The following STRIP2 variants were observed in gnomAD, a reference collection of about 807,000 sequenced individuals.
STRIP2 encodes striatin-interacting protein 2.
STRIP2 carries 84 observed loss-of-function variants against 107.1 expected under a neutral mutation model. The ratio of observed to expected loss-of-function variants is 0.78; its 90% CI spans 0.66 to 0.94. The LOEUF (loss-of-function observed/expected upper bound fraction) is 0.94. Ranked by LOEUF, STRIP2 falls within the 40% of genes least tolerant of loss-of-function variation. The pLI is 0.00. For synonymous variants in STRIP2, 394 were observed against 400.4 expected (o/e 0.98, Z 0.19); for missense variants, 888 against 1,034.2 (o/e 0.86, Z 1.94).
chr7:129,436,493 T>G (rs1289167935), intron 1 of STRIP2, among the ~76,000 whole-genome samples: 1 of 152,198 alleles, frequency 6.6e-6, no homozygotes, highest in Non-Finnish European at 1.5e-5. Flanking sequence ...AGCTGCACTC[T>G]TCATGCCTGG....
At chr7:129,460,545 T>C in intron 13 of STRIP2, 173 bp downstream of exon 13, 1 of 630,332 alleles carries the variant, frequency 1.6e-6, no homozygotes, top group Non-Finnish European at 2.8e-6. Flanking sequence ...AGATAAAAAA[T>C]AAAAAGTTAA....
chr7:129,447,429 A>G (rs781225960), intron 3 of STRIP2, among the ~76,000 whole-genome samples: 2 of 152,214 alleles, frequency 1.3e-5, no homozygotes, highest in Non-Finnish European at 2.9e-5. Flanking sequence ...AATTTTAATC[A>G]GATTTATTTC....
intron 14 of STRIP2, among the ~76,000 whole-genome samples, chr7:129,463,502 T>C (rs1034429079): frequency 7.3e-5 from 11 of 151,442 alleles, no homozygotes; most frequent in Admixed American, 7.2e-4. Flanking sequence ...GAACAGTCTT[T>C]TTTTTTTTTT....
chr7:129,473,235 A>G (rs1199443808), intron 18 of STRIP2, among the ~76,000 whole-genome samples: 1 of 152,236 alleles, frequency 6.6e-6, no homozygotes, highest in African/African-American at 2.4e-5. Context: ...ATTTTGCTGC[A>G]ATTATATATA....
At chr7:129,443,137 C>G (rs1438455323) in intron 2 of STRIP2, among the ~76,000 whole-genome samples, 2 of 151,482 alleles carry the variant, frequency 1.3e-5, no homozygotes, top group African/African-American at 4.9e-5. Flanking sequence ...AACTCCTAAG[C>G]TCAAACGATC....
At chr7:129,435,118 C>A (rs945341162) in intron 1 of STRIP2, among the ~76,000 whole-genome samples, 5 of 152,184 alleles carry the variant, frequency 3.3e-5, no homozygotes, top group Non-Finnish European at 7.3e-5. Flanking sequence ...CCCTTCCCCC[C>A]GTAAGTCTTA....
rs1487439836 is a variant in STRIP2 at position 129,461,698 on chromosome 7, T to C, written c.1477-1268T>C. On this transcript the variant is annotated intron_variant, in intron 13 of 20. Transcript: ENST00000249344. The surrounding 1 kb of genome is among the most constrained non-coding windows in gnomAD (Gnocchi z 4.0). ...ATAAGAACAACTCTAAGTGAAGTAG[T>C]GGGACTGAAAGCCTAATTGGAGTGT... Among the ~76,000 whole-genome samples the C allele has an allele frequency of 1.3e-5, 2 of 152,134 alleles. No homozygotes were observed. The highest frequency in any genetic ancestry group is 1.3e-4 in the Admixed American group (2 of 15,274).
At chr7:129,464,273 A>T in intron 15 of STRIP2, 132 bp downstream of exon 15, 1 of 730,248 alleles carries the variant, frequency 1.4e-6, no homozygotes, top group Non-Finnish European at 2.3e-6. Flanking sequence ...GCCCACCAGT[A>T]CCCCCTTTCC....
intron 18 of STRIP2, among the ~76,000 whole-genome samples, chr7:129,478,286 G>C (rs1377150440): frequency 6.6e-6 from 1 of 152,190 alleles, no homozygotes; most frequent in African/African-American, 2.4e-5. Flanking sequence ...GAGGCAGGTG[G>C]ATCACCTGAG....
At chr7:129,460,833 C>G (rs758590056) in intron 13 of STRIP2, among the ~76,000 whole-genome samples, 1 of 152,142 alleles carries the variant, frequency 6.6e-6, no homozygotes, top group Non-Finnish European at 1.5e-5. Context: ...AGCACAGGGC[C>G]GAGGGCTGGG....
rs1445213001 is a variant in STRIP2 at position 129,475,939 on chromosome 7, A to T, written c.1945-4846A>T. On this transcript the variant is annotated intron_variant, in intron 18 of 20. Transcript: ENST00000249344. The stretch of plus-strand genomic sequence containing the variant: ...AAGAATTTCTCCTAGTACAGAACGA[A>T]ATGGAGTCTCCCATGCCCGCCTCTT... Among the ~76,000 whole-genome samples the T allele has an allele frequency of 2.0e-5, 3 of 152,060 alleles. No homozygotes were observed. In the East Asian group the frequency reaches 5.8e-4, roughly 30 times the overall value.
chr7:129,450,558 A>G (rs552101385), intron 3 of STRIP2, among the ~76,000 whole-genome samples: 3 of 152,348 alleles, frequency 2.0e-5, no homozygotes, highest in South Asian at 2.1e-4. Flanking sequence ...CAGTTCAACA[A>G]ATGTGTGGTG....
At position 129,455,559 on chromosome 7, in the gene STRIP2, A is replaced by G. The variant is rs145257569; in HGVS notation, c.834+188A>G. Among the ~76,000 whole-genome samples the G allele has an allele frequency of 5.9e-3, 906 of 152,314 alleles. 8 individuals carry two copies. The highest frequency in any genetic ancestry group is 0.021 in the African/African-American group (862 of 41,562). On this transcript the variant is annotated intron_variant, in intron 8 of 20. Transcript: ENST00000249344. ...GATGTTCTATGTTAGAATGGGTTTC[A>G]TGTTTCTATTGGATGGATGGGAGAT...
chr7:129,474,065 C>T (rs1798857985), intron 18 of STRIP2, among the ~76,000 whole-genome samples: 1 of 152,118 alleles, frequency 6.6e-6, no homozygotes, highest in Non-Finnish European at 1.5e-5. Context: ...TATTTAGTTT[C>T]AAAAAGGATT....
At chr7:129,455,112 C>A in intron 7 of STRIP2, 132 bp from the exon 8 acceptor site, 3 of 1,160,708 alleles carry the variant, frequency 2.6e-6, no homozygotes, top group Non-Finnish European at 3.6e-6. Flanking sequence ...GCCTCCTTCT[C>A]AGGACCAAGT....
chr7:129,483,093 A>C lies in STRIP2; in HGVS notation c.2254+47A>C. 6.3e-7 allele frequency: 1 copy of C among 1,589,010 alleles called. No individual in the cohort carries two copies. Among genetic ancestry groups the C allele is most frequent in the South Asian group, 1.1e-5 (1 of 88,428 alleles). ...GACTTCCTGGAGTTTCCTGGGGTTT[A>C]GACAAAACTAAATAAATATTTATCA... On this transcript the variant is annotated intron_variant, in intron 20 of 20. Coordinates refer to ENST00000249344, the MANE Select transcript of STRIP2 (RefSeq NM_020704.3). The surrounding 1 kb of genome is among the most constrained non-coding windows in gnomAD (Gnocchi z 5.1).
In STRIP2 at chr7:129,464,603, C is replaced by G. The variant is rs774014755; in HGVS notation, c.1650-9C>G. The G allele has an allele frequency of 6.8e-6, 11 of 1,613,846 alleles. No homozygotes were observed. The South Asian group carries it at 8.8e-5, about 13-fold the overall frequency. On this transcript the variant is annotated splice_polypyrimidine_tract_variant and intron_variant, in intron 15 of 20. Coordinates refer to ENST00000249344, the MANE Select transcript of STRIP2 (RefSeq NM_020704.3). ...CTCTCTGCACTAATACCTTCTCTCC[C>G]CATTGTAGCATCACTGTTCTCCAGA...
At chr7:129,467,989 A>T (rs768747750) in intron 17 of STRIP2, among the ~76,000 whole-genome samples, 20 of 152,142 alleles carry the variant, frequency 1.3e-4, no homozygotes, top group Non-Finnish European at 1.9e-4. Context: ...CATTTTTCCA[A>T]TTAGGAAACA....
In STRIP2 at chr7:129,483,370, C is replaced by A; in HGVS notation, c.2254+324C>A. ...AAAACAACTTTTTATTATTACAAAG[C>A]AGTTAGAAAAAAAGATAGAAAATAC... On this transcript the variant is annotated intron_variant, in intron 20 of 20. Transcript: ENST00000249344. This position sits in a 1 kb window ranked among gnomAD's most constrained non-coding sequence, Gnocchi z 5.1. 3 of 970,272 alleles carry A rather than the reference C, an allele frequency of 3.1e-6. No individual in the cohort carries two copies. The highest frequency in any genetic ancestry group is 1.7e-5 in the African/African-American group (1 of 58,624). 60.1% of individuals were successfully genotyped at this position (970,272 alleles called of 1,614,324 possible). A position where few individuals can be genotyped will look rare whatever the true frequency, so the allele number is the denominator to read the frequency against.
Sources: gnomAD v4.1 joint callset for allele counts (sites outside exome capture counted in the v4.1 genomes callset) on GRCh38, gnomAD v4.1.1 for gene constraint, Gnocchi (gnomAD v3.1) non-coding constraint, MANE v1.5 for transcripts, NCBI Gene and HGNC (gene_info 2026-07-23, HGNC 2026-07-21) for gene names.